PIK3R4: variants seen among roughly 807,000 people sequenced by gnomAD.
PIK3R4 encodes phosphoinositide-3-kinase regulatory subunit 4.
Under a neutral mutation model 136.5 loss-of-function variants are expected in PIK3R4, and 46 were observed. The observed-to-expected ratio is 0.34, with a 90% CI of 0.27 to 0.43. The LOEUF (loss-of-function observed/expected upper bound fraction) is 0.43. Ranked by LOEUF, PIK3R4 falls within the 20% of genes least tolerant of loss-of-function variation. The pLI, the probability that PIK3R4 is intolerant of heterozygous loss-of-function variation, is 1.00. For missense variants in PIK3R4, 1,331 were observed against 1,649.5 expected (o/e 0.81, Z 3.35); for synonymous variants, 557 against 566.7 (o/e 0.98, Z 0.24).
chr3:130,734,837 C>A (rs762061601), intron 3 of PIK3R4, among the ~76,000 whole-genome samples: 4 of 152,164 alleles, frequency 2.6e-5, no homozygotes, highest in Non-Finnish European at 5.9e-5. Flanking sequence ...TATTGAAATA[C>A]AATATCACAA....
At position 130,745,044 on chromosome 3, in the gene PIK3R4, C is replaced by T; in HGVS notation, c.175G>A (p.Asp59Asn). Residue 59 changes from aspartate to asparagine, a missense_variant, in exon 2 of 20, where the codon GAT becomes AAT. Physicochemically the swap from Asp to Asn is conservative, Grantham distance 23 (BLOSUM62 1). Transcript: ENST00000356763. ...TAGCTGGTTAAAGGCAATGTGGGAT[C>T]CTGAATTGCAAAAACCTTCACAACG... ...LVVVKVFAIQ[D>N]PTLPLTSYKQ... 1 of 1,613,348 alleles carries T rather than the reference C, an allele frequency of 6.2e-7. No homozygotes were observed. The highest frequency in any genetic ancestry group is 8.5e-7 in the Non-Finnish European group (1 of 1,179,922).
intron 10 of PIK3R4, among the ~76,000 whole-genome samples, chr3:130,707,907 T>C (rs2066614012): frequency 6.6e-6 from 1 of 152,214 alleles, no homozygotes; most frequent in Non-Finnish European, 1.5e-5. Flanking sequence ...CATTACCTAC[T>C]ACTAATGAAC....
chr3:130,734,739 G>C (rs1576463492), intron 3 of PIK3R4, among the ~76,000 whole-genome samples: 1 of 77,110 alleles, frequency 1.3e-5, no homozygotes, highest in Admixed American at 1.6e-4. Flanking sequence ...TTTATCCTAT[G>C]GTTTTCTAGT....
chr3:130,706,804 C>A, intron 11 of PIK3R4, 144 bp downstream of exon 11: 1 of 503,940 alleles, frequency 2.0e-6, no homozygotes, highest in South Asian at 5.5e-5. Context: ...TAAAGATAAA[C>A]CTGTCTTAGA....
chr3:130,725,491 G>A (rs544311806), intron 6 of PIK3R4, among the ~76,000 whole-genome samples: 2 of 151,610 alleles, frequency 1.3e-5, no homozygotes, highest in African/African-American at 4.8e-5. Flanking sequence ...ACAGTTAAGT[G>A]TAAAAACTAA....
intron 6 of PIK3R4, among the ~76,000 whole-genome samples, chr3:130,726,638 G>A (rs1039346030): frequency 1.3e-5 from 2 of 152,012 alleles, no homozygotes; most frequent in African/African-American, 4.8e-5. Context: ...CATTGTACAT[G>A]GGTTGTAGGA....
intron 13 of PIK3R4, among the ~76,000 whole-genome samples, chr3:130,692,740 T>G (rs907409846): frequency 1.3e-5 from 2 of 152,204 alleles, no homozygotes; most frequent in African/African-American, 2.4e-5. Context: ...ATCAGTACTG[T>G]AAATGAGTAA....
chr3:130,734,091 C>CTAAACGTT lies in PIK3R4; in HGVS notation c.899_906dup (p.Glu303AsnfsTer3). The CTAAACGTT allele has an allele frequency of 6.2e-7, 1 of 1,613,866 alleles. No homozygotes were observed. On this transcript the variant is annotated frameshift_variant, in exon 4 of 20. Coordinates refer to ENST00000356763, the MANE Select transcript of PIK3R4 (RefSeq NM_014602.3). LOFTEE classifies it high-confidence loss of function. ...TGCTGTTTTAAGTAATCTTCTGCCT[C>CTAAACGTT]TAAACGTTTATCTGGCTCACGGTGA...
At chr3:130,702,463 A>C (rs1385511130) in intron 13 of PIK3R4, among the ~76,000 whole-genome samples, 1 of 152,178 alleles carries the variant, frequency 6.6e-6, no homozygotes, top group Non-Finnish European at 1.5e-5. Context: ...TCGGCACAAA[A>C]TCTTAAGTAA....
chr3:130,680,351 G>A (rs1226997205), intron 19 of PIK3R4, among the ~76,000 whole-genome samples: 2 of 152,100 alleles, frequency 1.3e-5, no homozygotes, highest in Non-Finnish European at 2.9e-5. Context: ...TTTTTCATTT[G>A]TAAGAGGATA....
At chr3:130,702,841 C>T (rs2066582506) in intron 13 of PIK3R4, among the ~76,000 whole-genome samples, 1 of 152,114 alleles carries the variant, frequency 6.6e-6, no homozygotes, top group South Asian at 2.1e-4. Flanking sequence ...CCTTCTTGTC[C>T]GCAGGAGTGT....
intron 14 of PIK3R4, among the ~76,000 whole-genome samples, chr3:130,689,713 G>A (rs80292100): frequency 6.6e-6 from 1 of 152,242 alleles, no homozygotes; most frequent in Non-Finnish European, 1.5e-5. Flanking sequence ...CTCACACCTG[G>A]TCTTGCCTGT....
chr3:130,738,822 G>T (rs1479573990), intron 2 of PIK3R4, among the ~76,000 whole-genome samples: 1 of 151,822 alleles, frequency 6.6e-6, no homozygotes, highest in Non-Finnish European at 1.5e-5. Context: ...ATATACAACT[G>T]AAAAAAATTA....
chr3:130,704,597 C>G (rs1268743779), intron 12 of PIK3R4, among the ~76,000 whole-genome samples: 2 of 152,148 alleles, frequency 1.3e-5, no homozygotes, highest in East Asian at 3.9e-4. Flanking sequence ...AAAATGTAGA[C>G]AGAAACTCAA....
rs759307412 is a variant in PIK3R4 at position 130,744,859 on chromosome 3, C to A, written c.360G>T (p.Leu120Phe). Residue 120 changes from leucine to phenylalanine, a missense_variant, in exon 2 of 20, where the codon TTG (leucine) becomes TTT (phenylalanine). Transcript: ENST00000356763. ...LYDRISTRPF[L>F]NNIEKRWIAF... is the part of the protein sequence containing the mutation. ...CAATCCAGCGCTTCTCAATGTTATT[C>A]AAGAATGGACGGGTACTGATGCGAT... The A allele has an allele frequency of 1.2e-6, 2 of 1,614,078 alleles. No homozygotes were observed. Among genetic ancestry groups the A allele is most frequent in the African/African-American group, 2.7e-5 (2 of 74,912 alleles).
chr3:130,692,049 G>T (rs1438750837), intron 13 of PIK3R4, among the ~76,000 whole-genome samples: 1 of 151,172 alleles, frequency 6.6e-6, no homozygotes, highest in African/African-American at 2.4e-5. Flanking sequence ...TAATTTTTTT[G>T]TATTTTTAAT....
At position 130,705,324 on chromosome 3, in the gene PIK3R4, CA is replaced by C. The variant is rs555954506; in HGVS notation, c.2932+236del. 4.0e-3 allele frequency among the ~76,000 whole-genome samples: 614 copies of C among 152,276 alleles called. 3 individuals are homozygous for C. The highest frequency in any genetic ancestry group is 6.5e-3 in the Non-Finnish European group (442 of 68,008). ...AGTACTATAAATGGGGAAAATGAAG[CA>C]CAGATAGGCTAAATTATTACATGAT... On this transcript the variant is annotated intron_variant, in intron 12 of 19. Transcript: ENST00000356763.
intron 3 of PIK3R4, among the ~76,000 whole-genome samples, chr3:130,735,470 C>T (rs2066781051): frequency 1.3e-5 from 2 of 152,146 alleles, no homozygotes; most frequent in African/African-American, 4.8e-5. Context: ...ATGCAATGGC[C>T]CTGTATTGCT....
At chr3:130,719,041 T>C (rs2107613650) in intron 7 of PIK3R4, among the ~76,000 whole-genome samples, 1 of 152,344 alleles carries the variant, frequency 6.6e-6, no homozygotes, top group African/African-American at 2.4e-5. Flanking sequence ...TGATATTCTT[T>C]TTAATGCAGG....
Sources: allele counts gnomAD v4.1 joint callset (sites outside exome capture counted in the v4.1 genomes callset), GRCh38; gene constraint gnomAD v4.1.1; transcripts MANE v1.5; gene names NCBI Gene and HGNC (gene_info 2026-07-23, HGNC 2026-07-21).